Variants in SOX11 observed in about 807,000 individuals in gnomAD.
SOX11 encodes transcription factor SOX-11.
Under a neutral mutation model 16.7 loss-of-function variants are expected in SOX11, and 5 were observed. That is an observed-to-expected ratio of 0.30 (90% CI 0.16 to 0.63). SOX11 has a LOEUF of 0.63. SOX11 is among the 20% of genes least tolerant of loss of function. The pLI is 0.82. For synonymous variants in SOX11, 363 were observed against 298.8 expected (o/e 1.21, Z -2.22); for missense variants, 492 against 641.5 (o/e 0.77, Z 2.52).
In SOX11 at chr2:5,692,778, G is replaced by A; in HGVS notation, c.57G>A (p.Leu19=). The A allele has an allele frequency of 6.2e-7, 1 of 1,611,782 alleles. No homozygotes were observed. The highest frequency in any genetic ancestry group is 8.5e-7 in the Non-Finnish European group (1 of 1,178,544). Reference sequence around the variant, plus strand: ...AGAGCAACCTGCCCCGGGAGGCGCTGGACACGGAGGAGGGCGAATTCATGG... The same window carrying A: ...AGAGCAACCTGCCCCGGGAGGCGCTAGACACGGAGGAGGGCGAATTCATGG... ...EAESNLPREA[L]DTEEGEFMAC... Residue 19 remains leucine, a synonymous_variant, in exon 1 of 1, where the codon CTG becomes CTA. Transcript: ENST00000322002.
rs1665825721 is a variant in SOX11, at chr2:5,700,825, T to C, written c.*6778T>C. The C allele has an allele frequency of 6.0e-6, 1 of 166,946 alleles. No homozygotes were observed. Among genetic ancestry groups the C allele is most frequent in the South Asian group, 2.1e-4 (1 of 4,824 alleles). 10.3% of individuals were successfully genotyped at this position (166,946 alleles called of 1,614,324 possible). ...CAGCATGACACTGTTAACAAGTGTGTATTTTCCAAGGCCACATGAAACTTA... is the reference window on the plus strand; with the variant it reads ...CAGCATGACACTGTTAACAAGTGTGCATTTTCCAAGGCCACATGAAACTTA... On this transcript the variant is annotated 3_prime_UTR_variant, in exon 1 of 1. Transcript: ENST00000322002.
At position 5,693,246 on chromosome 2, in the gene SOX11, C is replaced by A. The variant is rs1310798404; in HGVS notation, c.525C>A (p.Ala175=). 7 of 1,378,586 alleles carry A rather than the reference C, an allele frequency of 5.1e-6. No individual in the cohort carries two copies. In the African/African-American group the frequency reaches 1.1e-4, roughly 21 times the overall value. The allele number at this position is 1,378,586 out of a possible 1,614,324, so 85.4% of individuals were successfully genotyped here. ...KKCGKLKAPA[A]AGAKAGAGKA... ...GCGGCAAGCTCAAGGCCCCCGCGGC[C>A]GCGGGCGCCAAGGCGGGCGCGGGCA... Residue 175 remains alanine, a synonymous_variant, in exon 1 of 1, where the codon GCC becomes GCA. Transcript: ENST00000322002. The surrounding 1 kb of genome is among the most constrained non-coding windows in gnomAD (Gnocchi z 8.6).
In SOX11 at chr2:5,692,645, G is replaced by C; in HGVS notation, c.-77G>C. On this transcript the variant is annotated 5_prime_UTR_variant, in exon 1 of 1. Coordinates refer to ENST00000322002, the MANE Select transcript of SOX11 (RefSeq NM_003108.4). ...ACTTTGCAACTTGCCCAGGAAGGTG[G>C]AGGGGTGGGAGGGGGAGGGGGACCT... is the stretch of plus-strand genomic sequence containing the variant. 8.0e-7 allele frequency: 1 copy of C among 1,251,360 alleles called. No individual in the cohort carries two copies. Among genetic ancestry groups the C allele is most frequent in the Non-Finnish European group, 1.1e-6 (1 of 916,308 alleles). The allele number at this position is 1,251,360 out of a possible 1,614,324, so 77.5% of individuals were successfully genotyped here.
At position 5,692,523 on chromosome 2, in the gene SOX11, C is replaced by A. The variant is rs963354395; in HGVS notation, c.-199C>A. The A allele has an allele frequency of 4.5e-6, 2 of 448,086 alleles. No individual in the cohort carries two copies. Among genetic ancestry groups the A allele is most frequent in the Middle Eastern group, 1.1e-3 (2 of 1,774 alleles). The allele number at this position is 448,086 out of a possible 1,614,324, so 27.8% of individuals were successfully genotyped here. A position where few individuals can be genotyped will look rare whatever the true frequency, so the allele number is the denominator to read the frequency against. On this transcript the variant is annotated 5_prime_UTR_variant, in exon 1 of 1. Transcript: ENST00000322002. ...GTCGCGACCGCAGCTCCCACCGCGC[C>A]GGCGGCCGTCGTCGCCGAAGCCACC...
rs1205160894 is a variant in SOX11 at position 5,700,181 on chromosome 2, T to C, written c.*6134T>C. On this transcript the variant is annotated 3_prime_UTR_variant, in exon 1 of 1. Coordinates refer to ENST00000322002, the MANE Select transcript of SOX11 (RefSeq NM_003108.4). ...TTGAGATGTGGTTTCCAATGAGCAA[T>C]TGGTGAATTTAAGCAACCTGGATGT... The C allele has an allele frequency of 1.8e-5, 3 of 167,026 alleles. No individual in the cohort carries two copies. The highest frequency in any genetic ancestry group is 3.9e-4 in the East Asian group (2 of 5,190). The allele number at this position is 167,026 out of a possible 1,614,324, so 10.3% of individuals were successfully genotyped here. A position where few individuals can be genotyped will look rare whatever the true frequency, so the allele number is the denominator to read the frequency against.
rs1300514786 is a variant in SOX11, at chr2:5,696,962, C to G, written c.*2915C>G. On this transcript the variant is annotated 3_prime_UTR_variant, in exon 1 of 1. Transcript: ENST00000322002. The stretch of plus-strand genomic sequence containing the variant: ...GGGCGCGACCCATCCCGCTGGCGCT[C>G]CCCGCTCGCTGAACCCCGTTTGCCT... 1 of 158,158 alleles carries G rather than the reference C, an allele frequency of 6.3e-6. No homozygotes were observed. The highest frequency in any genetic ancestry group is 2.0e-4 in the East Asian group (1 of 5,124). 9.8% of individuals were successfully genotyped at this position (158,158 alleles called of 1,614,324 possible).
rs1665768218 is a variant in SOX11, at chr2:5,697,791, T to C, written c.*3744T>C. The C allele has an allele frequency of 6.0e-6, 1 of 167,242 alleles. No homozygotes were observed. The allele number at this position is 167,242 out of a possible 1,614,324, so 10.4% of individuals were successfully genotyped here. On this transcript the variant is annotated 3_prime_UTR_variant, in exon 1 of 1. Transcript: ENST00000322002. ...GGATAATTGAACCAGCGGTTTACAATTGACACGTGCTCCGTGCTGGTGATT... is the reference window on the plus strand; with the variant it reads ...GGATAATTGAACCAGCGGTTTACAACTGACACGTGCTCCGTGCTGGTGATT...
rs886507482 is a variant in SOX11 at position 5,699,314 on chromosome 2, G to T, written c.*5267G>T. ...AGGATATTTCTCAGTTATTCTAAGG[G>T]CCAAATTTTGTAAAATTTCCATTAG... On this transcript the variant is annotated 3_prime_UTR_variant, in exon 1 of 1. Transcript: ENST00000322002. The T allele has an allele frequency of 6.0e-6, 1 of 166,958 alleles. No individual in the cohort carries two copies. The highest frequency in any genetic ancestry group is 2.4e-5 in the African/African-American group (1 of 41,538). The allele number at this position is 166,958 out of a possible 1,614,324, so 10.3% of individuals were successfully genotyped here. A position where few individuals can be genotyped will look rare whatever the true frequency, so the allele number is the denominator to read the frequency against.
At position 5,692,766 on chromosome 2, in the gene SOX11, C is replaced by T. The variant is rs1003728014; in HGVS notation, c.45C>T (p.Pro15=). Reference sequence around the variant, plus strand: ...GCTTGGAAGCGGAGAGCAACCTGCCCCGGGAGGCGCTGGACACGGAGGAGG... The same window carrying T: ...GCTTGGAAGCGGAGAGCAACCTGCCTCGGGAGGCGCTGGACACGGAGGAGG... The part of the protein sequence containing the change: ...AESLEAESNL[P]REALDTEEGE... The change falls in exon 1 of 1, where the codon CCC becomes CCT. Residue 15 remains proline, a synonymous_variant. Coordinates refer to ENST00000322002, the MANE Select transcript of SOX11 (RefSeq NM_003108.4). 3.1e-6 allele frequency: 5 copies of T among 1,609,660 alleles called. No homozygotes were observed. In the Admixed American group the frequency reaches 6.7e-5, roughly 22 times the overall value.
At position 5,699,169 on chromosome 2, in the gene SOX11, G is replaced by A. The variant is rs755683084; in HGVS notation, c.*5122G>A. ...TTCCCTGCTTTTAACAGATTTCTGA[G>A]GCAAATATATTTGTGCTTTTTTCTT... On this transcript the variant is annotated 3_prime_UTR_variant, in exon 1 of 1. Coordinates refer to ENST00000322002, the MANE Select transcript of SOX11 (RefSeq NM_003108.4). 2.4e-5 allele frequency: 4 copies of A among 166,904 alleles called. No individual in the cohort carries two copies. 10.3% of individuals were successfully genotyped at this position (166,904 alleles called of 1,614,324 possible). A position where few individuals can be genotyped will look rare whatever the true frequency, so the allele number is the denominator to read the frequency against.
rs1665828909 is a variant in SOX11 at position 5,701,024 on chromosome 2, T to A, written c.*6977T>A. Reference sequence around the variant, plus strand: ...TGAGGCAGTGCGCTGGAGGATGAAGTGTTTGATAGCACTAGGGGGGAAAGA... The same window carrying A: ...TGAGGCAGTGCGCTGGAGGATGAAGAGTTTGATAGCACTAGGGGGGAAAGA... On this transcript the variant is annotated 3_prime_UTR_variant, in exon 1 of 1. Transcript: ENST00000322002. 1 of 166,474 alleles carries A rather than the reference T, an allele frequency of 6.0e-6. No individual in the cohort carries two copies. The highest frequency in any genetic ancestry group is 2.1e-4 in the South Asian group (1 of 4,800). 10.3% of individuals were successfully genotyped at this position (166,474 alleles called of 1,614,324 possible).
rs1188419517 is a variant in SOX11 at position 5,697,216 on chromosome 2, C to G, written c.*3169C>G. The G allele has an allele frequency of 1.8e-5, 3 of 166,916 alleles. No individual in the cohort carries two copies. The highest frequency in any genetic ancestry group is 7.2e-5 in the African/African-American group (3 of 41,474). 10.3% of individuals were successfully genotyped at this position (166,916 alleles called of 1,614,324 possible). A position where few individuals can be genotyped will look rare whatever the true frequency, so the allele number is the denominator to read the frequency against. ...GTTCAGCCTCCCGAGCTGCGGCGCCCGCAGCGGAGGAGGTTTTCAGTGGCT... is the reference window on the plus strand; with the variant it reads ...GTTCAGCCTCCCGAGCTGCGGCGCCGGCAGCGGAGGAGGTTTTCAGTGGCT... On this transcript the variant is annotated 3_prime_UTR_variant, in exon 1 of 1. Transcript: ENST00000322002.
chr2:5,699,658 A>G lies in SOX11; in HGVS notation c.*5611A>G, dbSNP rs1665800364. On this transcript the variant is annotated 3_prime_UTR_variant, in exon 1 of 1. Transcript: ENST00000322002. Reference sequence around the variant, plus strand: ...GCCTACATTTTCAACCACAATAAAGATGAAACAAAATTTATGAAACTGAGC... The same window carrying G: ...GCCTACATTTTCAACCACAATAAAGGTGAAACAAAATTTATGAAACTGAGC... The G allele has an allele frequency of 1.8e-5, 3 of 163,084 alleles. No homozygotes were observed. The highest frequency in any genetic ancestry group is 4.4e-5 in the Non-Finnish European group (3 of 67,596). The allele number at this position is 163,084 out of a possible 1,614,324, so 10.1% of individuals were successfully genotyped here. A position where few individuals can be genotyped will look rare whatever the true frequency, so the allele number is the denominator to read the frequency against.
At position 5,698,364 on chromosome 2, in the gene SOX11, T is replaced by C. The variant is rs1665779044; in HGVS notation, c.*4317T>C. 6.0e-6 allele frequency: 1 copy of C among 166,984 alleles called. No homozygotes were observed. Among genetic ancestry groups the C allele is most frequent in the African/African-American group, 2.4e-5 (1 of 41,434 alleles). 10.3% of individuals were successfully genotyped at this position (166,984 alleles called of 1,614,324 possible). ...AAAATGGTAACCTGGGGGTGGCGGG[T>C]GGGTGCTGTGTGCACGGCAGCCTAG... On this transcript the variant is annotated 3_prime_UTR_variant, in exon 1 of 1. Transcript: ENST00000322002.
chr2:5,694,138 A>T lies in SOX11; in HGVS notation c.*91A>T, dbSNP rs1009181530. On this transcript the variant is annotated 3_prime_UTR_variant, in exon 1 of 1. Transcript: ENST00000322002. Reference sequence around the variant, plus strand: ...AGTGGTGATGATGATGATGATAATGATGATGATGATGGTGGTGTTGATGGT... The same window carrying T: ...AGTGGTGATGATGATGATGATAATGTTGATGATGATGGTGGTGTTGATGGT... 7.0e-7 allele frequency: 1 copy of T among 1,435,028 alleles called. No homozygotes were observed. The highest frequency in any genetic ancestry group is 2.6e-5 in the Admixed American group (1 of 38,908). 88.9% of individuals were successfully genotyped at this position (1,435,028 alleles called of 1,614,324 possible).
chr2:5,698,105 C>A lies in SOX11; in HGVS notation c.*4058C>A. 6.0e-6 allele frequency: 1 copy of A among 167,022 alleles called. No homozygotes were observed. 10.3% of individuals were successfully genotyped at this position (167,022 alleles called of 1,614,324 possible). On this transcript the variant is annotated 3_prime_UTR_variant, in exon 1 of 1. Transcript: ENST00000322002. Reference sequence around the variant, plus strand: ...ATTGTTTGGCAATCTAAATTTAAAACCTGTTAGAACTCAGGACAGGCGCTT... The same window carrying A: ...ATTGTTTGGCAATCTAAATTTAAAAACTGTTAGAACTCAGGACAGGCGCTT...
rs1665689639 is a variant in SOX11, at chr2:5,694,179, G to T, written c.*132G>T. The T allele has an allele frequency of 1.7e-6, 2 of 1,182,108 alleles. No individual in the cohort carries two copies. The highest frequency in any genetic ancestry group is 2.3e-6 in the Non-Finnish European group (2 of 863,872). The allele number at this position is 1,182,108 out of a possible 1,614,324, so 73.2% of individuals were successfully genotyped here. On this transcript the variant is annotated 3_prime_UTR_variant, in exon 1 of 1. Coordinates refer to ENST00000322002, the MANE Select transcript of SOX11 (RefSeq NM_003108.4). The stretch of plus-strand genomic sequence containing the variant: ...TGTTGATGGTGGCGGTGGTAGGGTG[G>T]AGGGGAGAGAAGAAGATGCTGATGA...
rs1208615367 is a variant in SOX11, at chr2:5,693,266, C to G, written c.545C>G (p.Ala182Gly). 2.2e-6 allele frequency: 3 copies of G among 1,379,214 alleles called. No individual in the cohort carries two copies. The highest frequency in any genetic ancestry group is 1.5e-5 in the African/African-American group (1 of 64,920). 85.4% of individuals were successfully genotyped at this position (1,379,214 alleles called of 1,614,324 possible). The change falls in exon 1 of 1, where the codon GCG (alanine) becomes GGG (glycine). Residue 182 changes from alanine to glycine, a missense_variant. Transcript: ENST00000322002. This position sits in a 1 kb window ranked among gnomAD's most constrained non-coding sequence, Gnocchi z 8.6. Reference protein sequence around the residue: ...APAAAGAKAGAGKAAQSGDYG... With the variant: ...APAAAGAKAGGGKAAQSGDYG... Reference sequence around the variant, plus strand: ...GCGGCCGCGGGCGCCAAGGCGGGCGCGGGCAAGGCGGCCCAGTCCGGGGAC... The same window carrying G: ...GCGGCCGCGGGCGCCAAGGCGGGCGGGGGCAAGGCGGCCCAGTCCGGGGAC...
In SOX11 at chr2:5,694,074, T is replaced by C. The variant is rs1035419159; in HGVS notation, c.*27T>C. ...AGGCGCCCGCTGCTCGCTCTTTCTC[T>C]CGGAGGGTGCAGAGCTGGGTTCCTT... On this transcript the variant is annotated 3_prime_UTR_variant, in exon 1 of 1. Transcript: ENST00000322002. The C allele has an allele frequency of 2.6e-6, 4 of 1,538,398 alleles. No individual in the cohort carries two copies. Among genetic ancestry groups the C allele is most frequent in the Admixed American group, 4.0e-5 (2 of 49,984 alleles).
Sources: allele counts gnomAD v4.1 joint callset, GRCh38; gene constraint gnomAD v4.1.1; non-coding constraint Gnocchi (gnomAD v3.1); transcripts MANE v1.5; gene names NCBI Gene and HGNC (gene_info 2026-07-23, HGNC 2026-07-21).